Variants in SLC13A2 observed in about 807,000 individuals in gnomAD.
The protein encoded by SLC13A2 is solute carrier family 13 member 2.
A neutral mutation model predicts 58.5 loss-of-function variants in SLC13A2; 40 were observed. That is an observed-to-expected ratio of 0.68 (90% CI 0.53 to 0.89). SLC13A2 has a LOEUF of 0.89. Ranked by LOEUF, SLC13A2 falls within the 40% of genes least tolerant of loss-of-function variation. The pLI is 0.00. For missense variants in SLC13A2, 694 were observed against 772.6 expected (o/e 0.90, Z 1.21); for synonymous variants, 341 against 331.6 (o/e 1.03, Z -0.31).
chr17:28,493,602 A>T lies in SLC13A2; in HGVS notation c.910A>T (p.Met304Leu). The part of the protein sequence containing the change: ...FRKNFGIGEK[M>L]QEQQQAAYCV... ...GAAGAACTTTGGCATTGGGGAAAAG[A>T]TGCAGGAGCAACAGCAGGCAGCCTA... The change falls in exon 7 of 12, where the codon ATG becomes TTG. Residue 304 changes from methionine (M) to leucine (L), a missense_variant. Coordinates refer to ENST00000314669, the MANE Select transcript of SLC13A2 (RefSeq NM_003984.4). The T allele has an allele frequency of 6.2e-7, 1 of 1,609,942 alleles. No individual in the cohort carries two copies. The highest frequency in any genetic ancestry group is 8.5e-7 in the Non-Finnish European group (1 of 1,176,666).
At position 28,493,568 on chromosome 17, in the gene SLC13A2, C is replaced by T; in HGVS notation, c.879-3C>T. The T allele has an allele frequency of 3.8e-6, 6 of 1,597,914 alleles. No individual in the cohort carries two copies. The highest frequency in any genetic ancestry group is 4.3e-6 in the Non-Finnish European group (5 of 1,168,996). ...ACGAGCTGCCCCGTCCCTCTGCCTG[C>T]AGCTTCCGGAAGAACTTTGGCATTG... On this transcript the variant is annotated splice_region_variant and splice_polypyrimidine_tract_variant and intron_variant, in intron 6 of 11. Transcript: ENST00000314669.
chr17:28,495,845 CA>C, intron 10 of SLC13A2, 29 bp downstream of exon 10: 1 of 1,601,664 alleles, frequency 6.2e-7, no homozygotes, highest in Non-Finnish European at 8.5e-7. Context: ...ACACCTCCTC[CA>C]GGCAGCCCGC....
At chr17:28,486,811 T>G (rs1185647407) in intron 1 of SLC13A2, among the ~76,000 whole-genome samples, 5 of 137,602 alleles carry the variant, frequency 3.6e-5, no homozygotes, top group African/African-American at 5.7e-5. Flanking sequence ...TTTTTTTTTT[T>G]GATACAAGGT....
At chr17:28,475,151 C>T (rs1422788680) in intron 1 of SLC13A2, among the ~76,000 whole-genome samples, 1 of 152,212 alleles carries the variant, frequency 6.6e-6, no homozygotes, top group Non-Finnish European at 1.5e-5. Flanking sequence ...TTGATTTCTT[C>T]CCAATTCCCC....
At chr17:28,491,950 C>T (rs2069036111) in intron 6 of SLC13A2, 98 bp downstream of exon 6, 2 of 1,490,476 alleles carry the variant, frequency 1.3e-6, no homozygotes, top group Non-Finnish European at 1.8e-6. Context: ...TATCACCATC[C>T]CAATGAGAAG....
At position 28,494,599 on chromosome 17, in the gene SLC13A2, G is replaced by A. The variant is rs562719511; in HGVS notation, c.1308+87G>A. 488 of 1,577,438 alleles carry A rather than the reference G, an allele frequency of 3.1e-4. 2 individuals carry two copies. The highest frequency in any genetic ancestry group is 2.9e-3 in the South Asian group (248 of 86,568). On this transcript the variant is annotated intron_variant, in intron 9 of 11. Transcript: ENST00000314669. This position sits in a 1 kb window ranked among gnomAD's most constrained non-coding sequence, Gnocchi z 4.0. ...GGGGCCCTGCTTCTGTCCCACAGAGGGGAGACCTGGTCCCCACGTAGGAGC... is the reference window on the plus strand; with the variant it reads ...GGGGCCCTGCTTCTGTCCCACAGAGAGGAGACCTGGTCCCCACGTAGGAGC...
intron 1 of SLC13A2, among the ~76,000 whole-genome samples, chr17:28,482,082 T>C (rs1373803874): frequency 6.6e-6 from 1 of 152,208 alleles, no homozygotes; most frequent in Admixed American, 6.5e-5. Flanking sequence ...AATGGTGCAA[T>C]CTCAGCTCAC....
chr17:28,480,821 G>A (rs2151447064), intron 1 of SLC13A2, among the ~76,000 whole-genome samples: 1 of 152,252 alleles, frequency 6.6e-6, no homozygotes, highest in East Asian at 1.9e-4. Context: ...TTGTGCTTAG[G>A]AGGGCCTCAG....
intron 1 of SLC13A2, among the ~76,000 whole-genome samples, chr17:28,475,365 G>C (rs1555599710): frequency 6.6e-6 from 1 of 152,140 alleles, no homozygotes; most frequent in African/African-American, 2.4e-5. Context: ...GTCCTGTCTA[G>C]GAGAGGCCAG....
intron 1 of SLC13A2, among the ~76,000 whole-genome samples, chr17:28,479,034 A>G (rs1356535324): frequency 1.3e-5 from 2 of 152,082 alleles, no homozygotes; most frequent in African/African-American, 2.4e-5. Context: ...CCTGGGCAAC[A>G]TGGCAAGACC....
At chr17:28,490,260 C>A in intron 2 of SLC13A2, 194 bp from the exon 3 acceptor site, 1 of 1,506,004 alleles carries the variant, frequency 6.6e-7, no homozygotes, top group Non-Finnish European at 8.9e-7. Context: ...GGCAACAGAG[C>A]CAGACCCTGT....
chr17:28,483,990 A>T (rs186875328), intron 1 of SLC13A2, among the ~76,000 whole-genome samples: 49 of 152,280 alleles, frequency 3.2e-4, no homozygotes, highest in Non-Finnish European at 3.7e-4. Context: ...CAGCCCACAC[A>T]GGCACTCAGA....
chr17:28,474,712 T>TC (rs1228375557), intron 1 of SLC13A2, among the ~76,000 whole-genome samples: 1 of 151,980 alleles, frequency 6.6e-6, no homozygotes, highest in African/African-American at 2.4e-5. Context: ...TTGGGAAGGG[T>TC]CCAGGGGGAA....
In SLC13A2 at chr17:28,497,002, G is replaced by T; in HGVS notation, c.1609-97G>T. 3 of 1,278,026 alleles carry T rather than the reference G, an allele frequency of 2.3e-6. No homozygotes were observed. The East Asian group carries it at 7.0e-5, about 30-fold the overall frequency. 79.2% of individuals were successfully genotyped at this position (1,278,026 alleles called of 1,614,324 possible). ...GGGAGGACTTCCCAGAGAGAATTTT[G>T]CTGGTAGGAGGGCTCCTGTGCACCC... On this transcript the variant is annotated intron_variant, in intron 11 of 11. Transcript: ENST00000314669.
chr17:28,491,981 C>T (rs2069036896), intron 6 of SLC13A2, 129 bp downstream of exon 6: 2 of 1,327,964 alleles, frequency 1.5e-6, no homozygotes, highest in Non-Finnish European at 2.0e-6. Context: ...CCCAAAGCCC[C>T]TCTGTGCACT....
At position 28,494,340 on chromosome 17, in the gene SLC13A2, G is replaced by A. The variant is rs782607419; in HGVS notation, c.1187-51G>A. ...ACAGGGAGCCCGCAAATGGAGAGGG[G>A]AAAGGCCTGTTTGTTCTTTGGTGAC... On this transcript the variant is annotated intron_variant, in intron 8 of 11. Coordinates refer to ENST00000314669, the MANE Select transcript of SLC13A2 (RefSeq NM_003984.4). This position sits in a 1 kb window ranked among gnomAD's most constrained non-coding sequence, Gnocchi z 4.0. 4 of 1,614,078 alleles carry A rather than the reference G, an allele frequency of 2.5e-6. No homozygotes were observed. Among genetic ancestry groups the A allele is most frequent in the Non-Finnish European group, 3.4e-6 (4 of 1,180,026 alleles).
chr17:28,482,955 A>G (rs1453078409), intron 1 of SLC13A2, among the ~76,000 whole-genome samples: 1 of 152,158 alleles, frequency 6.6e-6, no homozygotes, highest in East Asian at 1.9e-4. Context: ...TGCTCCTGAG[A>G]CCCGGGAGTG....
rs782641348 is a variant in SLC13A2, at chr17:28,497,293, C to G, written c.*24C>G. 1.6e-5 allele frequency: 26 copies of G among 1,596,534 alleles called. 3 individuals are homozygous for G. The South Asian group carries it at 2.9e-4, about 18-fold the overall frequency. ...AGGCTGGGGCACAGCCTGGCCATGC[C>G]CAGGAAGACCCACCCCATTCCCACT... On this transcript the variant is annotated 3_prime_UTR_variant, in exon 12 of 12. Coordinates refer to ENST00000314669, the MANE Select transcript of SLC13A2 (RefSeq NM_003984.4).
rs533753512 is a variant in SLC13A2 at position 28,477,961 on chromosome 17, G to A, written c.102+4147G>A. Among the ~76,000 whole-genome samples the A allele has an allele frequency of 3.9e-5, 6 of 152,244 alleles. No individual in the cohort carries two copies. The South Asian group carries it at 1.2e-3, about 32-fold the overall frequency. On this transcript the variant is annotated intron_variant, in intron 1 of 11. Transcript: ENST00000314669. Reference sequence around the variant, plus strand: ...TAATCCCAGCTACTCGGGAGGCTGGGGCAGGAGAATCGCTTGAACCCGGGA... The same window carrying A: ...TAATCCCAGCTACTCGGGAGGCTGGAGCAGGAGAATCGCTTGAACCCGGGA...
Sources: allele counts gnomAD v4.1 joint callset (sites outside exome capture counted in the v4.1 genomes callset), GRCh38; gene constraint gnomAD v4.1.1; non-coding constraint Gnocchi (gnomAD v3.1); transcripts MANE v1.5; gene names NCBI Gene and HGNC (gene_info 2026-07-23, HGNC 2026-07-21).